Variants in DNTTIP1 observed in about 807,000 individuals in gnomAD.
DNTTIP1 encodes deoxynucleotidyltransferase terminal interacting protein 1.
DNTTIP1 carries 22 observed loss-of-function variants against 52.9 expected under a neutral mutation model. That is an observed-to-expected ratio of 0.42 (90% CI 0.30 to 0.59). The LOEUF is 0.59. DNTTIP1 is among the 20% of genes least tolerant of loss of function. The probability of loss-of-function intolerance (pLI) is 0.22; values close to 1 mark genes in which losing one functional copy is unlikely to be tolerated. For missense variants in DNTTIP1, 286 were observed against 435.5 expected, an observed-to-expected ratio of 0.66 and a Z score of 3.06; for synonymous variants, 136 against 155.1, an observed-to-expected ratio of 0.88 and a Z score of 0.92.
At chr20:45,800,232 A>T (rs1044916768) in intron 4 of DNTTIP1, among the ~76,000 whole-genome samples, 5 of 152,194 alleles carry the variant, frequency 3.3e-5, no homozygotes, top group Non-Finnish European at 7.3e-5. Context: ...AGCAAGGAAG[A>T]ATTTACATTG....
chr20:45,792,195 G>A, intron 1 of DNTTIP1, 86 bp downstream of exon 1: 2 of 833,524 alleles, frequency 2.4e-6, no homozygotes, highest in Non-Finnish European at 3.2e-6. Context: ...GAGAGAACGC[G>A]GAGGCTGGAG....
In DNTTIP1 at chr20:45,795,337, TC is replaced by T; in HGVS notation, c.274-4del. ...ACTCTGACCTTGTCCTCTGTTGTGC[TC>T]CCCTAGTTCTTCCAGAAGGCAGCAC... On this transcript the variant is annotated splice_polypyrimidine_tract_variant and splice_region_variant and intron_variant, in intron 3 of 12. Transcript: ENST00000372622. 1 of 1,589,816 alleles carries T rather than the reference TC, an allele frequency of 6.3e-7. No homozygotes were observed. The highest frequency in any genetic ancestry group is 8.6e-7 in the Non-Finnish European group (1 of 1,162,998).
At chr20:45,793,699 C>CA (rs890608984) in intron 2 of DNTTIP1, among the ~76,000 whole-genome samples, 109 of 141,050 alleles carry the variant, frequency 7.7e-4, no homozygotes, top group Middle Eastern at 3.7e-3. Context: ...GACTCCGTCT[C>CA]AAAAAAAAAA....
Position 45,809,640 on chromosome 20 carries a change from TTCCAGATTTAC to T in DNTTIP1, c.795+456_795+466del, listed in dbSNP as rs1981759419. On this transcript the variant is annotated intron_variant, in intron 11 of 12. Transcript: ENST00000372622. The surrounding 1 kb of genome is among the most constrained non-coding windows in gnomAD (Gnocchi z 4.2). ...ATGTGTTTGCACACTTGGCAGCCCC[TTCCAGATTTAC>T]CTCTACTTGAAGAGTTCTCAGATCA... Among the ~76,000 whole-genome samples the T allele has an allele frequency of 6.6e-6, 1 of 152,234 alleles. No homozygotes were observed. Among genetic ancestry groups the T allele is most frequent in the African/African-American group, 2.4e-5 (1 of 41,454 alleles).
At chr20:45,810,404 T>C (rs960150812) in intron 11 of DNTTIP1, among the ~76,000 whole-genome samples, 5 of 152,146 alleles carry the variant, frequency 3.3e-5, no homozygotes, top group Admixed American at 1.3e-4. Context: ...AACCAAGTTA[T>C]CTTTGTCCTC....
Position 45,803,317 on chromosome 20 carries a change from C to A in DNTTIP1, c.558-16C>A. 1 of 1,614,048 alleles carries A rather than the reference C, an allele frequency of 6.2e-7. No homozygotes were observed. Among genetic ancestry groups the A allele is most frequent in the Non-Finnish European group, 8.5e-7 (1 of 1,179,952 alleles). On this transcript the variant is annotated splice_polypyrimidine_tract_variant and intron_variant, in intron 7 of 12. Transcript: ENST00000372622. ...TCACCTTGGAGAATTCACCTTTATT[C>A]TTTCCTTCCAAGCAGATGGAAACCA...
rs1414039096 is a variant in DNTTIP1, at chr20:45,792,004, C to A, written c.-1C>A. ...GCGGAGTTGTGGGGGCCGGGGGCGC[C>A]ATGGGAGCCACTGGCGACGCCGAGC... On this transcript the variant is annotated 5_prime_UTR_variant, in exon 1 of 13. Coordinates refer to ENST00000372622, the MANE Select transcript of DNTTIP1 (RefSeq NM_052951.3). 7.9e-7 allele frequency: 1 copy of A among 1,259,062 alleles called. No homozygotes were observed. Among genetic ancestry groups the A allele is most frequent in the East Asian group, 3.0e-5 (1 of 33,658 alleles). The allele number at this position is 1,259,062 out of a possible 1,614,324, so 78.0% of individuals were successfully genotyped here.
chr20:45,806,383 A>G (rs1981650219), intron 10 of DNTTIP1, among the ~76,000 whole-genome samples: 1 of 148,040 alleles, frequency 6.8e-6, no homozygotes, highest in African/African-American at 2.5e-5. Context: ...GTTTGGAGCA[A>G]GGCAGGGTCC....
chr20:45,794,181 C>T (rs1174356600), intron 3 of DNTTIP1, among the ~76,000 whole-genome samples, 164 bp downstream of exon 3: 1 of 152,214 alleles, frequency 6.6e-6, no homozygotes, highest in Non-Finnish European at 1.5e-5. Context: ...CAGATTCTCA[C>T]TCTGTCACCC....
chr20:45,805,302 T>G lies in DNTTIP1; in HGVS notation c.663-4T>G, dbSNP rs761586867. ...ATCTTGACCACTTGGCTTTTACTTT[T>G]CAGAGCCCTGGGGATGGGGGGCACC... On this transcript the variant is annotated splice_region_variant and splice_polypyrimidine_tract_variant and intron_variant, in intron 9 of 12. Coordinates refer to ENST00000372622, the MANE Select transcript of DNTTIP1 (RefSeq NM_052951.3). 1.2e-6 allele frequency: 2 copies of G among 1,614,070 alleles called. No homozygotes were observed. Among genetic ancestry groups the G allele is most frequent in the Non-Finnish European group, 1.7e-6 (2 of 1,180,024 alleles).
chr20:45,793,528 G>A (rs1046295053), intron 2 of DNTTIP1, among the ~76,000 whole-genome samples: 4 of 151,776 alleles, frequency 2.6e-5, no homozygotes, highest in African/African-American at 7.3e-5. Context: ...GGAGAAACCC[G>A]GTCTCTACTA....
At chr20:45,798,634 A>G (rs1981323933) in intron 4 of DNTTIP1, among the ~76,000 whole-genome samples, 1 of 152,062 alleles carries the variant, frequency 6.6e-6, no homozygotes, top group Admixed American at 6.6e-5. Flanking sequence ...AGCTTAGGCC[A>G]TTTCACTTGC....
chr20:45,805,049 C>G (rs1482408068), intron 8 of DNTTIP1, 97 bp from the exon 9 acceptor site: 2 of 1,055,268 alleles, frequency 1.9e-6, no homozygotes, highest in Non-Finnish European at 3.0e-6. Flanking sequence ...AAATAATAGA[C>G]AAGGGGAAGG....
chr20:45,800,951 G>A (rs1356866929), intron 4 of DNTTIP1, 123 bp from the exon 5 acceptor site: 1 of 782,504 alleles, frequency 1.3e-6, no homozygotes, highest in Non-Finnish European at 2.2e-6. Flanking sequence ...CCAAGATGGT[G>A]CTGCTGCACT....
chr20:45,807,409 C>T (rs1981684475), intron 10 of DNTTIP1, among the ~76,000 whole-genome samples: 2 of 152,190 alleles, frequency 1.3e-5, no homozygotes, highest in Admixed American at 1.3e-4. Context: ...ACTTGAGCCA[C>T]TGCACCTGGC....
In DNTTIP1 at chr20:45,792,758, C is replaced by T. The variant is rs1355995735; in HGVS notation, c.176+11C>T. The T allele has an allele frequency of 6.2e-7, 1 of 1,606,530 alleles. No homozygotes were observed. Among genetic ancestry groups the T allele is most frequent in the Admixed American group, 1.7e-5 (1 of 58,160 alleles). ...ACAGATGACAACAAGGTAAGGCTGG[C>T]CCTGCATGGGGCTTATATCCCAGCC... On this transcript the variant is annotated intron_variant, in intron 2 of 12. Transcript: ENST00000372622.
At chr20:45,805,276 A>G in intron 9 of DNTTIP1, 30 bp from the exon 10 acceptor site, 1 of 1,614,132 alleles carries the variant, frequency 6.2e-7, no homozygotes, top group Non-Finnish European at 8.5e-7. Context: ...CACTTTCTGG[A>G]ATCTTGACCA....
At chr20:45,792,505 G>T in intron 1 of DNTTIP1, 172 bp from the exon 2 acceptor site, 2 of 521,682 alleles carry the variant, frequency 3.8e-6, no homozygotes, top group Non-Finnish European at 6.8e-6. Context: ...AACTTCCTCA[G>T]TTCCTCTTTT....
intron 4 of DNTTIP1, among the ~76,000 whole-genome samples, chr20:45,796,062 G>T (rs1279101475): frequency 6.6e-6 from 1 of 152,306 alleles, no homozygotes; most frequent in East Asian, 1.9e-4. Flanking sequence ...GAGTAGAATG[G>T]CAGTAGCTGG....
Sources: allele counts gnomAD v4.1 joint callset (sites outside exome capture counted in the v4.1 genomes callset), GRCh38; gene constraint gnomAD v4.1.1; non-coding constraint Gnocchi (gnomAD v3.1); transcripts MANE v1.5; gene names NCBI Gene and HGNC (gene_info 2026-07-23, HGNC 2026-07-21).